Variants in PPM1L observed in about 807,000 individuals in gnomAD.
The protein encoded by PPM1L is protein phosphatase, Mg2+/Mn2+ dependent 1L.
A neutral mutation model predicts 31.4 loss-of-function variants in PPM1L; 13 were observed. That is an observed-to-expected ratio of 0.41 (90% CI 0.27 to 0.66). The LOEUF is 0.66. PPM1L is among the 30% of genes least tolerant of loss of function. The pLI, the probability that PPM1L is intolerant of heterozygous loss-of-function variation, is 0.29. For missense variants in PPM1L, 326 were observed against 453.7 expected (o/e 0.72, Z 2.56); for synonymous variants, 184 against 175.4 (o/e 1.05, Z -0.39).
At chr3:160,838,664 A>C (rs1461222601) in intron 1 of PPM1L, among the ~76,000 whole-genome samples, 1 of 152,200 alleles carries the variant, frequency 6.6e-6, no homozygotes, top group Non-Finnish European at 1.5e-5. Context: ...TCTAAAGATT[A>C]ATATAAGAAG....
At position 161,075,009 on chromosome 3, in the gene PPM1L, A is replaced by C. The variant is rs1482159493; in HGVS notation, c.*5852A>C. The C allele has an allele frequency of 6.6e-6, 1 of 152,110 alleles. No homozygotes were observed. Among genetic ancestry groups the C allele is most frequent in the Admixed American group, 6.6e-5 (1 of 15,266 alleles). The allele number at this position is 152,110 out of a possible 1,614,324, so 9.4% of individuals were successfully genotyped here. On this transcript the variant is annotated 3_prime_UTR_variant, in exon 4 of 4. Transcript: ENST00000498165. ...ATCTCAAAAACCTCCGAGGACATTG[A>C]GCACAAGCAGATTACTGTAAGGGCA...
chr3:161,062,685 C>G (rs1376201731), intron 2 of PPM1L, among the ~76,000 whole-genome samples: 2 of 152,180 alleles, frequency 1.3e-5, no homozygotes, highest in African/African-American at 2.4e-5. Flanking sequence ...GCCTCCTTCT[C>G]CCTTTTTTAA....
chr3:160,861,442 T>C (rs1711885804), intron 1 of PPM1L, among the ~76,000 whole-genome samples: 1 of 152,216 alleles, frequency 6.6e-6, no homozygotes. Flanking sequence ...AAATAATTCT[T>C]ATGCCAATTG....
chr3:160,770,048 A>T (rs1715209883), intron 1 of PPM1L, among the ~76,000 whole-genome samples: 1 of 152,156 alleles, frequency 6.6e-6, no homozygotes, highest in Admixed American at 6.5e-5. Context: ...TCTTTTCATT[A>T]TGTTTTCTCA....
chr3:160,929,874 C>T (rs1271879333), intron 1 of PPM1L, among the ~76,000 whole-genome samples: 1 of 152,194 alleles, frequency 6.6e-6, no homozygotes, highest in East Asian at 1.9e-4. Context: ...CACCTTCCCA[C>T]CTCTCCTTCA....
At chr3:160,772,052 G>A (rs753311529) in intron 1 of PPM1L, among the ~76,000 whole-genome samples, 5 of 152,124 alleles carry the variant, frequency 3.3e-5, no homozygotes, top group Non-Finnish European at 7.4e-5. Flanking sequence ...TTGTCTAGGA[G>A]TGAGACTCAC....
At chr3:160,970,787 A>ATTCTTTT (rs1360956984) in intron 2 of PPM1L, among the ~76,000 whole-genome samples, 1,421 of 97,040 alleles carry the variant, frequency 0.015, 162 homozygotes, top group Middle Eastern at 0.018. Context: ...TTCAGTTATA[A>ATTCTTTT]TTTTTTTTTT....
chr3:160,911,346 G>A (rs1713966666), intron 1 of PPM1L, among the ~76,000 whole-genome samples: 1 of 152,152 alleles, frequency 6.6e-6, no homozygotes, highest in Non-Finnish European at 1.5e-5. Context: ...AGCCAGACAG[G>A]TCACCAATCC....
At chr3:160,923,592 C>G (rs934379097) in intron 1 of PPM1L, among the ~76,000 whole-genome samples, 4 of 152,132 alleles carry the variant, frequency 2.6e-5, no homozygotes, top group Non-Finnish European at 5.9e-5. Flanking sequence ...TCTCAAATCA[C>G]GTCACATCAA....
chr3:160,851,540 G>A (rs976691011), intron 1 of PPM1L, among the ~76,000 whole-genome samples: 9 of 152,280 alleles, frequency 5.9e-5, no homozygotes, highest in Middle Eastern at 3.4e-3. Flanking sequence ...TTAAATCTTC[G>A]TAGAGAAAGT....
At chr3:160,952,471 A>G (rs1715604236) in intron 1 of PPM1L, among the ~76,000 whole-genome samples, 1 of 152,100 alleles carries the variant, frequency 6.6e-6, no homozygotes, top group African/African-American at 2.4e-5. Context: ...TCTCTCCTGT[A>G]TCTTGTGAAT....
chr3:161,045,751 A>T (rs1719039992), intron 2 of PPM1L, among the ~76,000 whole-genome samples: 1 of 152,164 alleles, frequency 6.6e-6, no homozygotes, highest in Non-Finnish European at 1.5e-5. Context: ...AGCTAGCAGA[A>T]GGCAAGAAAT....
rs556966624 is a variant in PPM1L at position 160,832,384 on chromosome 3, G to C, written c.399+75677G>C. Among the ~76,000 whole-genome samples, 8 of 146,664 alleles carry C rather than the reference G, an allele frequency of 5.5e-5. No homozygotes were observed. In the East Asian group the frequency reaches 5.8e-4, roughly 11 times the overall value. On this transcript the variant is annotated intron_variant, in intron 1 of 3. Transcript: ENST00000498165. ...ATTCTAGGTGGAGGTGATAGCCTGAGGACAGGCATGGAGCTGAGAGAGTGC... is the reference window on the plus strand; with the variant it reads ...ATTCTAGGTGGAGGTGATAGCCTGACGACAGGCATGGAGCTGAGAGAGTGC...
chr3:160,792,845 AG>A (rs951683100), intron 1 of PPM1L, among the ~76,000 whole-genome samples: 3 of 152,236 alleles, frequency 2.0e-5, no homozygotes, highest in Admixed American at 2.0e-4. Context: ...GAGGTCAGGA[AG>A]GGTCACAAAT....
intron 2 of PPM1L, among the ~76,000 whole-genome samples, chr3:161,026,558 C>T (rs6786871): frequency 0.64 from 96,735 of 151,786 alleles, 33,563 homozygotes; most frequent in East Asian, 0.98. Context: ...TAGCTGGGCA[C>T]GGTGGTGGGC....
intron 1 of PPM1L, among the ~76,000 whole-genome samples, chr3:160,855,596 C>T (rs547177401): frequency 4.6e-5 from 7 of 152,214 alleles, no homozygotes; most frequent in Admixed American, 3.3e-4. Context: ...CACCAATGCA[C>T]GGCCAACAAG....
intron 1 of PPM1L, among the ~76,000 whole-genome samples, chr3:160,819,828 A>G (rs768294249): frequency 6.6e-6 from 1 of 151,970 alleles, no homozygotes; most frequent in African/African-American, 2.4e-5. Flanking sequence ...TGTTATTTTT[A>G]AAAAAATAGA....
At chr3:160,972,795 A>T (rs7630187) in intron 2 of PPM1L, among the ~76,000 whole-genome samples, 64,454 of 151,450 alleles carry the variant, frequency 0.43, 14,317 homozygotes, top group East Asian at 0.69. Flanking sequence ...ACAATGGTTG[A>T]ACTAGTTTAC....
intron 2 of PPM1L, among the ~76,000 whole-genome samples, chr3:160,972,108 A>C (rs1716359898): frequency 6.6e-6 from 1 of 152,114 alleles, no homozygotes; most frequent in Non-Finnish European, 1.5e-5. Flanking sequence ...ACTGATATTA[A>C]TTAGTTTATT....
Sources: allele counts gnomAD v4.1 joint callset (sites outside exome capture counted in the v4.1 genomes callset), GRCh38; gene constraint gnomAD v4.1.1; transcripts MANE v1.5; gene names NCBI Gene and HGNC (gene_info 2026-07-23, HGNC 2026-07-21).